SOX6: variants seen among roughly 807,000 people sequenced by gnomAD.
The protein encoded by SOX6 is SRY-box transcription factor 6.
SOX6 carries 11 observed loss-of-function variants against 97.8 expected under a neutral mutation model. The ratio of observed to expected loss-of-function variants is 0.11; its 90% confidence interval spans 0.07 to 0.19. The LOEUF is 0.19. Among genes scored for constraint, SOX6 ranks in the 10% least tolerant of loss-of-function variants. SOX6 has a pLI of 1.00. For missense variants in SOX6, 810 were observed against 1,039.5 expected, an observed-to-expected ratio of 0.78 and a Z score of 3.04; for synonymous variants, 360 against 371.4, an observed-to-expected ratio of 0.97 and a Z score of 0.35.
chr11:16,696,137 G>A (rs1255332365), intron 3 of SOX6, among the ~76,000 whole-genome samples: 2 of 152,142 alleles, frequency 1.3e-5, no homozygotes, highest in African/African-American at 4.8e-5. Flanking sequence ...ATTTTGAAAG[G>A]TGTTATTGAT....
At chr11:16,666,684 C>T (rs1847809340) in intron 3 of SOX6, among the ~76,000 whole-genome samples, 1 of 152,090 alleles carries the variant, frequency 6.6e-6, no homozygotes, top group Non-Finnish European at 1.5e-5. Flanking sequence ...ATAATCCCAG[C>T]TATTCAGGAG....
chr11:16,284,153 C>G (rs1356646), intron 3 of SOX6, among the ~76,000 whole-genome samples: 1 of 152,062 alleles, frequency 6.6e-6, no homozygotes, highest in African/African-American at 2.4e-5. Flanking sequence ...ATATCTCTTA[C>G]AGTAGAGAAC....
chr11:16,538,470 T>C (rs1861344383), intron 4 of SOX6, among the ~76,000 whole-genome samples: 2 of 152,114 alleles, frequency 1.3e-5, no homozygotes, highest in South Asian at 4.2e-4. Flanking sequence ...AATTCACACA[T>C]AACAATATTA....
At position 16,545,369 on chromosome 11, in the gene SOX6, T is replaced by A. The variant is rs528834070; in HGVS notation, n.609+66712A>T. Among the ~76,000 whole-genome samples, 10 of 147,162 alleles carry A rather than the reference T, an allele frequency of 6.8e-5. No homozygotes were observed. In the South Asian group the frequency reaches 1.7e-3, roughly 25 times the overall value. ...CAAAAAAAAAAAAAAAGAACCCACA[T>A]CTCAATAGACACAGAAAAGGCATTT... is the stretch of plus-strand genomic sequence containing the variant. On this transcript the variant is annotated intron_variant and non_coding_transcript_variant, in intron 4 of 5. Transcript: ENST00000524520.
At chr11:16,245,224 GCCA>G (rs1281072175) in intron 3 of SOX6, among the ~76,000 whole-genome samples, 10 of 151,636 alleles carry the variant, frequency 6.6e-5, no homozygotes, top group African/African-American at 2.4e-4. Flanking sequence ...TGGTTTAATT[GCCA>G]AATAATTTGA....
At chr11:16,335,835 G>C (rs1856443406) in intron 2 of SOX6, among the ~76,000 whole-genome samples, 1 of 152,176 alleles carries the variant, frequency 6.6e-6, no homozygotes, top group South Asian at 2.1e-4. Flanking sequence ...TAGAGAAGCA[G>C]AGTAGAAATT....
chr11:16,206,700 G>A (rs1054020482), intron 4 of SOX6, among the ~76,000 whole-genome samples: 1 of 152,138 alleles, frequency 6.6e-6, no homozygotes. Context: ...ATCATATAAT[G>A]TCTATATTAA....
chr11:16,210,907 G>A (rs1321638334), intron 4 of SOX6, among the ~76,000 whole-genome samples: 1 of 152,160 alleles, frequency 6.6e-6, no homozygotes, highest in African/African-American at 2.4e-5. Context: ...CTGAGTAGGT[G>A]GAAGAGGTTC....
In SOX6 at chr11:16,526,755, T is replaced by C. The variant is rs534326479; in HGVS notation, n.610-50367A>G. Among the ~76,000 whole-genome samples the C allele has an allele frequency of 7.9e-5, 12 of 152,222 alleles. 1 individual carries two copies. The South Asian group carries it at 2.1e-3, about 26-fold the overall frequency. On this transcript the variant is annotated intron_variant and non_coding_transcript_variant, in intron 4 of 5. Transcript: ENST00000524520. ...CCAGCCTTTCGTATATCAATTTTAC[T>C]TAAAATAAGACCCAGATATTTTTAA...
chr11:16,374,537 A>T (rs568915585), intron 1 of SOX6, among the ~76,000 whole-genome samples: 105 of 152,252 alleles, frequency 6.9e-4, no homozygotes, highest in Non-Finnish European at 1.5e-3. Flanking sequence ...ACAGAAAAAA[A>T]TAATATTAAT....
At chr11:16,528,024 T>C (rs1861192717) in intron 4 of SOX6, among the ~76,000 whole-genome samples, 1 of 152,132 alleles carries the variant, frequency 6.6e-6, no homozygotes, top group African/African-American at 2.4e-5. Context: ...TCAGCTTCTG[T>C]GTCTCTGCTC....
intron 12 of SOX6, among the ~76,000 whole-genome samples, chr11:16,017,173 T>C (rs940275289): frequency 6.6e-6 from 1 of 152,080 alleles, no homozygotes. Flanking sequence ...AATTCAGTAG[T>C]ATCAGCTTGT....
intron 1 of SOX6, among the ~76,000 whole-genome samples, chr11:16,437,862 TTAAAGTGATTAG>T (rs1565145877): frequency 1.3e-5 from 2 of 152,204 alleles, no homozygotes; most frequent in Non-Finnish European, 2.9e-5. Flanking sequence ...GACAATTCAT[TTAAAGTGATTAG>T]TACAGTGTCT....
intron 6 of SOX6, among the ~76,000 whole-genome samples, chr11:16,149,711 AAAT>A (rs1850410365): frequency 6.6e-6 from 1 of 152,210 alleles, no homozygotes; most frequent in African/African-American, 2.4e-5. Flanking sequence ...CATCAAGTTT[AAAT>A]ATGTTCTTCA....
chr11:16,632,434 AT>A lies in SOX6; in HGVS notation n.430-20175del, dbSNP rs893459851. ...TCAGCTTTTAGCTTGTCTGGAAAAT[AT>A]TTTTTTTCCACACAGCTGGGTACAT... is the stretch of plus-strand genomic sequence containing the variant. On this transcript the variant is annotated intron_variant and non_coding_transcript_variant, in intron 3 of 5. Transcript: ENST00000524520. Among the ~76,000 whole-genome samples, 40 of 151,998 alleles carry A rather than the reference AT, an allele frequency of 2.6e-4. 1 individual carries two copies. Among genetic ancestry groups the A allele is most frequent in the African/African-American group, 9.2e-4 (38 of 41,440 alleles).
At chr11:16,212,259 T>C (rs566433586) in intron 4 of SOX6, among the ~76,000 whole-genome samples, 1 of 152,304 alleles carries the variant, frequency 6.6e-6, no homozygotes, top group Non-Finnish European at 1.5e-5. Flanking sequence ...AGCAGTCTCC[T>C]GTGCCTCTGA....
rs559267839 is a variant in SOX6 at position 16,536,668 on chromosome 11, G to A, written n.610-60280C>T. On this transcript the variant is annotated intron_variant and non_coding_transcript_variant, in intron 4 of 5. Transcript: ENST00000524520. ...GATTCCCTCCCATGTGTGGCTCGGC[G>A]GGTCCCATGCCCATGAAGCCTTGAT... Among the ~76,000 whole-genome samples the A allele has an allele frequency of 1.4e-4, 21 of 152,286 alleles. No homozygotes were observed. The East Asian group carries it at 1.9e-3, about 14-fold the overall frequency.
chr11:16,509,691 T>G (rs1860848342), intron 4 of SOX6, among the ~76,000 whole-genome samples: 1 of 152,056 alleles, frequency 6.6e-6, no homozygotes, highest in African/African-American at 2.4e-5. Context: ...TTTTTAAATT[T>G]TTAATAGTTT....
intron 2 of SOX6, among the ~76,000 whole-genome samples, chr11:16,328,485 C>A (rs976756110): frequency 6.6e-6 from 1 of 152,162 alleles, no homozygotes; most frequent in Non-Finnish European, 1.5e-5. Flanking sequence ...TGGCTCCCAC[C>A]ACTAACTATA....
Sources: allele counts gnomAD v4.1 joint callset (sites outside exome capture counted in the v4.1 genomes callset), GRCh38; gene constraint gnomAD v4.1.1; transcripts MANE v1.5; gene names NCBI Gene and HGNC (gene_info 2026-07-23, HGNC 2026-07-21).